MYO1A: variants seen among roughly 807,000 people sequenced by gnomAD.
The protein encoded by MYO1A is myosin IA.
A neutral mutation model predicts 138.5 loss-of-function variants in MYO1A; 127 were observed. The observed-to-expected ratio is 0.92, with a 90% CI of 0.79 to 1.06. The LOEUF is 1.06. MYO1A is among the 50% of genes least tolerant of loss of function. The pLI is 0.00. For synonymous variants in MYO1A, 477 were observed against 497.5 expected (o/e 0.96, Z 0.55); for missense variants, 1,211 against 1,288.8 (o/e 0.94, Z 0.92).
chr12:57,037,958 G>A lies in MYO1A; in HGVS notation c.1872C>T (p.Gly624=), dbSNP rs2136444756. The A allele has an allele frequency of 1.2e-6, 2 of 1,614,176 alleles. No homozygotes were observed. Among genetic ancestry groups the A allele is most frequent in the South Asian group, 2.2e-5 (2 of 91,080 alleles). The change falls in exon 18 of 28, where the codon GGC becomes GGT. Residue 624 remains glycine (G), a synonymous_variant. Coordinates refer to ENST00000300119, the MANE Select transcript of MYO1A (RefSeq NM_005379.4). ...LLENVRVRRA[G]YAHRQGYGPF... ...GCCCATAACCCTGGCGGTGGGCATAGCCTGCCCGTCGCACCCGTACGTTCT... is the reference window on the plus strand; with the variant it reads ...GCCCATAACCCTGGCGGTGGGCATAACCTGCCCGTCGCACCCGTACGTTCT...
chr12:57,046,507 G>A (rs980055830), intron 8 of MYO1A, 45 bp downstream of exon 8: 4 of 1,476,244 alleles, frequency 2.7e-6, no homozygotes, highest in African/African-American at 2.8e-5. Context: ...TGGGGACTTT[G>A]CCATGTGTCA....
At chr12:57,038,679 T>C in intron 16 of MYO1A, 41 bp from the exon 17 acceptor site, 1 of 1,610,598 alleles carries the variant, frequency 6.2e-7, no homozygotes, top group Non-Finnish European at 8.5e-7. Context: ...CCCACAACCT[T>C]GTCCCAGCAC....
chr12:57,028,763 C>T lies in MYO1A; in HGVS notation c.3124G>A (p.Val1042Met), dbSNP rs564504774. The change falls in exon 28 of 28, where the codon GTG becomes ATG. Residue 1042 changes from valine to methionine, a missense_variant. By Grantham distance (21) the Val-to-Met change is conservative. Coordinates refer to ENST00000300119, the MANE Select transcript of MYO1A (RefSeq NM_005379.4). ...KKGSHCLEVTVQ is the reference protein window; with the variant it reads ...KKGSHCLEVTMQ ...TGCATGGTGCCCCCTCCTCACTGCA[C>T]AGTCACCTCCAAGCAATGACTCCCC... is the stretch of plus-strand genomic sequence containing the variant. 4 of 1,614,120 alleles carry T rather than the reference C, an allele frequency of 2.5e-6. No homozygotes were observed. The South Asian group carries it at 4.4e-5, about 18-fold the overall frequency.
In MYO1A at chr12:57,038,878, C is replaced by A. The variant is rs1371346282; in HGVS notation, c.1464G>T (p.Gln488His). ...KHGHYESKVT[Q>H]NAQRQYDHTM... ...TGTGGTCATACTGACGCTGGGCATT[C>A]TGGGTGACTTTGCTCTCGTAGTGGC... The change falls in exon 16 of 28, where the codon CAG becomes CAT. Residue 488 changes from glutamine (Q) to histidine (H), a missense_variant. By Grantham distance (24) the Gln-to-His change is conservative. Coordinates refer to ENST00000300119, the MANE Select transcript of MYO1A (RefSeq NM_005379.4). 1.9e-6 allele frequency: 3 copies of A among 1,614,102 alleles called. No homozygotes were observed. Among genetic ancestry groups the A allele is most frequent in the Non-Finnish European group, 2.5e-6 (3 of 1,180,060 alleles).
intron 27 of MYO1A, 41 bp downstream of exon 27, chr12:57,029,091 T>C (rs780315728): frequency 1.9e-6 from 3 of 1,613,738 alleles, no homozygotes; most frequent in African/African-American, 1.3e-5. Context: ...AGCCTGGCCA[T>C]CTACCGTAAG....
intron 1 of MYO1A, 48 bp from the exon 2 acceptor site, chr12:57,048,391 CCAGT>C: frequency 4.4e-6 from 5 of 1,124,134 alleles, no homozygotes; most frequent in Admixed American, 3.6e-5. Flanking sequence ...GCTTTAGGGG[CCAGT>C]AACTGTTTGA....
In MYO1A at chr12:57,036,306, C is replaced by T. The variant is rs764443907; in HGVS notation, c.2349+1G>A. 2 of 1,613,652 alleles carry T rather than the reference C, an allele frequency of 1.2e-6. No individual in the cohort carries two copies. The highest frequency in any genetic ancestry group is 2.2e-5 in the South Asian group (2 of 91,064). On this transcript the variant is annotated splice_donor_variant, in intron 22 of 27. Coordinates refer to ENST00000300119, the MANE Select transcript of MYO1A (RefSeq NM_005379.4). LOFTEE classifies it high-confidence loss of function. ...CATCCACCCTAACCCCTACCACTTA[C>T]CATGCTCTTGTAGATGAAATCTGCC...
chr12:57,029,146 G>A lies in MYO1A; in HGVS notation c.2991C>T (p.Val997=). 1 of 1,614,138 alleles carries A rather than the reference G, an allele frequency of 6.2e-7. No individual in the cohort carries two copies. The highest frequency in any genetic ancestry group is 8.5e-7 in the Non-Finnish European group (1 of 1,180,030). Residue 997 remains valine (V), a synonymous_variant, in exon 27 of 28, where the codon GTC becomes GTT. Coordinates refer to ENST00000300119, the MANE Select transcript of MYO1A (RefSeq NM_005379.4). ...VLDATQRQLT[V]TVTEKFSVRF... ...CATGGCCTCACTTCTCAGTCACGGT[G>A]ACTGTAAGCTGCCTCTGCGTGGCAT... is the stretch of plus-strand genomic sequence containing the variant.
intron 24 of MYO1A, 84 bp from the exon 25 acceptor site, chr12:57,029,956 G>A: frequency 6.2e-7 from 1 of 1,602,866 alleles, no homozygotes; most frequent in Non-Finnish European, 8.5e-7. Context: ...AGTCCTCCCG[G>A]GCCCTTCCCC....
intron 23 of MYO1A, 80 bp from the exon 24 acceptor site, chr12:57,030,396 G>A (rs1318974932): frequency 1.7e-6 from 2 of 1,165,524 alleles, no homozygotes; most frequent in Non-Finnish European, 2.6e-6. Context: ...ATATTGACTA[G>A]AAGACACTAG....
chr12:57,049,393 C>A (rs2031256207), intron 1 of MYO1A, among the ~76,000 whole-genome samples: 1 of 152,172 alleles, frequency 6.6e-6, no homozygotes, highest in African/African-American at 2.4e-5. Flanking sequence ...TCTCTGAACC[C>A]GGGTGGAGGA....
Position 57,028,650 on chromosome 12 carries a change from G to T in MYO1A, c.*105C>A. 2.7e-6 allele frequency: 4 copies of T among 1,489,472 alleles called. No homozygotes were observed. In the South Asian group the frequency reaches 5.0e-5, roughly 19 times the overall value. The allele number at this position is 1,489,472 out of a possible 1,614,324, so 92.3% of individuals were successfully genotyped here. On this transcript the variant is annotated 3_prime_UTR_variant, in exon 28 of 28. Transcript: ENST00000300119. ...AAGGGTAGTTTAATCCCCAAGCCAT[G>T]CGCCACGATCAGAGGGGTTAGAGAT...
chr12:57,046,978 C>T, intron 6 of MYO1A, 52 bp from the exon 7 acceptor site: 1 of 1,611,384 alleles, frequency 6.2e-7, no homozygotes, highest in African/African-American at 1.3e-5. Context: ...TTCTCACCAC[C>T]CTGCCTGGAA....
At chr12:57,040,884 G>A (rs1023797656) in intron 14 of MYO1A, among the ~76,000 whole-genome samples, 1 of 152,216 alleles carries the variant, frequency 6.6e-6, no homozygotes, top group South Asian at 2.1e-4. Context: ...GCCAAACCCA[G>A]AAGAAATGTC....
intron 22 of MYO1A, among the ~76,000 whole-genome samples, chr12:57,032,674 C>A (rs2030341182): frequency 6.6e-6 from 1 of 151,440 alleles, no homozygotes; most frequent in Non-Finnish European, 1.5e-5. Flanking sequence ...CAGAGCAAGA[C>A]TGTCTAAAAA....
rs542456169 is a variant in MYO1A, at chr12:57,044,170, T to A, written c.680A>T (p.Tyr227Phe). 8 of 1,614,164 alleles carry A rather than the reference T, an allele frequency of 5.0e-6. No individual in the cohort carries two copies. In the East Asian group the frequency reaches 1.3e-4, roughly 27 times the overall value. ...KLERDTTGYA[Y>F]LNHEVSRVDG... is the part of the protein sequence containing the mutation. ...CACTCTGGATACTTCATGATTCAGA[T>A]AGGCATAGCCAGTTGTATCCCGCTC... The change falls in exon 9 of 28, where the codon TAT (tyrosine) becomes TTT (phenylalanine). Residue 227 changes from tyrosine to phenylalanine, a missense_variant. Transcript: ENST00000300119.
Position 57,044,125 on chromosome 12 carries a change from G to C in MYO1A, c.725C>G (p.Ser242Cys). 1 of 1,614,180 alleles carries C rather than the reference G, an allele frequency of 6.2e-7. No homozygotes were observed. Among genetic ancestry groups the C allele is most frequent in the South Asian group, 1.1e-5 (1 of 91,074 alleles). ...VSRVDGMDDASSFRAVQSAMA... is the reference protein window; with the variant it reads ...VSRVDGMDDACSFRAVQSAMA... Reference sequence around the variant, plus strand: ...ACCCACCTGTACAGCCCTGAAGCTGGAGGCGTCGTCCATGCCATCCACTCT... The same window carrying C: ...ACCCACCTGTACAGCCCTGAAGCTGCAGGCGTCGTCCATGCCATCCACTCT... The change falls in exon 9 of 28, where the codon TCC becomes TGC. Residue 242 changes from serine to cysteine, a missense_variant. Coordinates refer to ENST00000300119, the MANE Select transcript of MYO1A (RefSeq NM_005379.4).
chr12:57,038,520 T>C lies in MYO1A; in HGVS notation c.1652A>G (p.Asn551Ser), dbSNP rs375598436. ...PLLRSLFPEG[N>S]PKQASLKRPP... Reference sequence around the variant, plus strand: ...GCGTTTGAGAGATGCCTGCTTAGGATTGCCCTCAGGAAACAAGGACCGAAG... The same window carrying C: ...GCGTTTGAGAGATGCCTGCTTAGGACTGCCCTCAGGAAACAAGGACCGAAG... The change falls in exon 17 of 28, where the codon AAT (asparagine) becomes AGT (serine). Residue 551 changes from asparagine (N) to serine (S), a missense_variant. By Grantham distance (46) the Asn-to-Ser change is conservative. Transcript: ENST00000300119. The C allele has an allele frequency of 6.2e-6, 10 of 1,614,172 alleles. No homozygotes were observed. Among genetic ancestry groups the C allele is most frequent in the Admixed American group, 1.7e-5 (1 of 60,024 alleles).
intron 22 of MYO1A, among the ~76,000 whole-genome samples, chr12:57,031,825 C>T (rs550400565): frequency 1.1e-3 from 164 of 152,302 alleles, no homozygotes; most frequent in African/African-American, 3.3e-3. Flanking sequence ...ATCCAATCAG[C>T]GGAGGTCAGT....
Sources: allele counts gnomAD v4.1 joint callset (sites outside exome capture counted in the v4.1 genomes callset), GRCh38; gene constraint gnomAD v4.1.1; transcripts MANE v1.5; gene names NCBI Gene and HGNC (gene_info 2026-07-23, HGNC 2026-07-21).